The following RIMS2 variants were observed in gnomAD, a reference collection of about 807,000 sequenced individuals.
RIMS2 encodes the protein regulating synaptic membrane exocytosis 2.
RIMS2 carries 59 observed loss-of-function variants against 174.4 expected under a neutral mutation model. The ratio of observed to expected loss-of-function variants is 0.34; its 90% CI spans 0.27 to 0.42. The LOEUF is 0.42. Among genes scored for constraint, RIMS2 ranks in the 10% least tolerant of loss-of-function variants. RIMS2 has a pLI of 1.00. For missense variants in RIMS2, 1,620 were observed against 1,666.3 expected, an observed-to-expected ratio of 0.97 and a Z score of 0.48; for synonymous variants, 606 against 572.5, an observed-to-expected ratio of 1.06 and a Z score of -0.84.
chr8:103,751,257 C>G (rs2097887035), intron 2 of RIMS2, among the ~76,000 whole-genome samples: 1 of 152,130 alleles, frequency 6.6e-6, no homozygotes, highest in South Asian at 2.1e-4. Context: ...TCATCCATGT[C>G]CCTACAAAGG....
At chr8:103,585,433 A>T (rs1024736004) in intron 1 of RIMS2, among the ~76,000 whole-genome samples, 1 of 152,182 alleles carries the variant, frequency 6.6e-6, no homozygotes, top group South Asian at 2.1e-4. Context: ...ACATGCACAC[A>T]TATGTTTATT....
intron 19 of RIMS2, among the ~76,000 whole-genome samples, chr8:104,226,108 A>G (rs1218417727): frequency 6.6e-6 from 1 of 152,154 alleles, no homozygotes; most frequent in South Asian, 2.1e-4. Flanking sequence ...TGTTACTATT[A>G]TCATAACTGT....
chr8:103,954,214 G>A (rs1408716351), intron 14 of RIMS2, among the ~76,000 whole-genome samples: 1 of 152,056 alleles, frequency 6.6e-6, no homozygotes, highest in Non-Finnish European at 1.5e-5. Context: ...AAATTAACAA[G>A]GATATTCAGG....
intron 2 of RIMS2, among the ~76,000 whole-genome samples, chr8:103,712,332 A>C (rs1314866229): frequency 6.6e-6 from 1 of 152,110 alleles, no homozygotes; most frequent in Non-Finnish European, 1.5e-5. Flanking sequence ...ATGTTAATTT[A>C]AAAATATGTA....
chr8:103,773,636 A>G lies in RIMS2; in HGVS notation c.698+7099A>G, dbSNP rs932972209. 3.3e-5 allele frequency among the ~76,000 whole-genome samples: 5 copies of G among 152,262 alleles called. No individual in the cohort carries two copies. In the South Asian group the frequency reaches 1.0e-3, roughly 32 times the overall value. On this transcript the variant is annotated intron_variant, in intron 3 of 23. Coordinates refer to ENST00000504942, the Ensembl canonical transcript of RIMS2. ...CCCAGCTACTCAGGAAGGCTGAGAC[A>G]GGAGAATCACTTGAACCCAGGAGGT... is the stretch of plus-strand genomic sequence containing the variant.
At chr8:103,916,356 T>C in intron 7 of RIMS2, 58 bp from the exon 11 acceptor site, 3 of 1,272,364 alleles carry the variant, frequency 2.4e-6, no homozygotes. Flanking sequence ...TGCTCTTAAG[T>C]GTAATTTGTC....
intron 19 of RIMS2, among the ~76,000 whole-genome samples, chr8:104,241,159 C>T (rs541494368): frequency 6.6e-6 from 1 of 152,288 alleles, no homozygotes; most frequent in South Asian, 2.1e-4. Flanking sequence ...AGCATTAGCA[C>T]AGTAAAATCT....
chr8:103,668,220 A>G (rs2096698884), intron 1 of RIMS2, among the ~76,000 whole-genome samples: 1 of 152,200 alleles, frequency 6.6e-6, no homozygotes, highest in Non-Finnish European at 1.5e-5. Flanking sequence ...AATATCTTTG[A>G]CCAAGGCAAC....
At position 103,796,394 on chromosome 8, in the gene RIMS2, C is replaced by A. The variant is rs149990060; in HGVS notation, c.698+29857C>A. Among the ~76,000 whole-genome samples the A allele has an allele frequency of 1.8e-4, 28 of 152,200 alleles. No individual in the cohort carries two copies. In the East Asian group the frequency reaches 5.4e-3, roughly 29 times the overall value. Reference sequence around the variant, plus strand: ...TGTTATAAAGTGCTATTTAAGATATCCTTTTATACAAAAATAATTTTAACA... The same window carrying A: ...TGTTATAAAGTGCTATTTAAGATATACTTTTATACAAAAATAATTTTAACA... On this transcript the variant is annotated intron_variant, in intron 3 of 23. Transcript: ENST00000504942.
chr8:103,827,748 T>G (rs572565611), intron 3 of RIMS2, among the ~76,000 whole-genome samples: 4 of 152,098 alleles, frequency 2.6e-5, no homozygotes, highest in Non-Finnish European at 4.4e-5. Flanking sequence ...GGCAGGAGAA[T>G]CGCTTGAACC....
At chr8:103,957,595 C>T (rs968256450) in intron 14 of RIMS2, among the ~76,000 whole-genome samples, 9 of 152,066 alleles carry the variant, frequency 5.9e-5, no homozygotes, top group African/African-American at 7.2e-5. Flanking sequence ...CCTCACACAG[C>T]GGGGCCTGTT....
At chr8:103,802,462 A>G (rs1191297286) in intron 3 of RIMS2, among the ~76,000 whole-genome samples, 1 of 152,142 alleles carries the variant, frequency 6.6e-6, no homozygotes, top group Non-Finnish European at 1.5e-5. Flanking sequence ...GGCTCTCCCA[A>G]TACACACCAG....
At chr8:103,600,414 C>T (rs1385134093) in intron 1 of RIMS2, among the ~76,000 whole-genome samples, 1 of 152,130 alleles carries the variant, frequency 6.6e-6, no homozygotes, top group Non-Finnish European at 1.5e-5. Flanking sequence ...GGATTACAGG[C>T]ATGTGCCACC....
intron 19 of RIMS2, among the ~76,000 whole-genome samples, chr8:104,167,836 T>C (rs1424550927): frequency 6.6e-6 from 1 of 152,166 alleles, no homozygotes; most frequent in Admixed American, 6.5e-5. Context: ...TGATCTTGCA[T>C]TGAGTTTTAT....
At chr8:104,244,267 T>A (rs1448156808) in intron 19 of RIMS2, among the ~76,000 whole-genome samples, 1 of 152,222 alleles carries the variant, frequency 6.6e-6, no homozygotes, top group Non-Finnish European at 1.5e-5. Flanking sequence ...AAAATCTCTT[T>A]TCACATTATT....
intron 19 of RIMS2, among the ~76,000 whole-genome samples, chr8:104,063,661 G>T (rs1339333448): frequency 6.6e-5 from 10 of 152,124 alleles, no homozygotes; most frequent in African/African-American, 2.4e-4. Flanking sequence ...TCTTGAGTTT[G>T]CATATTGGGC....
chr8:104,159,831 G>A (rs569638445), intron 19 of RIMS2, among the ~76,000 whole-genome samples: 2 of 152,204 alleles, frequency 1.3e-5, no homozygotes, highest in African/African-American at 2.4e-5. Flanking sequence ...ACTAGAAGCA[G>A]GTTTTTTCAA....
chr8:103,880,096 T>C (rs1004285021), intron 3 of RIMS2, among the ~76,000 whole-genome samples: 1 of 151,678 alleles, frequency 6.6e-6, no homozygotes, highest in African/African-American at 2.4e-5. Context: ...AAGAAACTTG[T>C]TAGTGAATAA....
chr8:103,656,562 T>C (rs181217646), intron 1 of RIMS2, among the ~76,000 whole-genome samples: 34 of 152,168 alleles, frequency 2.2e-4, no homozygotes, highest in Non-Finnish European at 4.0e-4. Flanking sequence ...TGATAAGTAA[T>C]TAAAAACAGT....
Sources: gnomAD v4.1 joint callset for allele counts (sites outside exome capture counted in the v4.1 genomes callset) on GRCh38, gnomAD v4.1.1 for gene constraint, MANE v1.5 for transcripts, NCBI Gene and HGNC (gene_info 2026-07-23, HGNC 2026-07-21) for gene names.